Variants in LDLRAD2 observed in about 807,000 individuals in gnomAD.
The protein encoded by LDLRAD2 is low density lipoprotein receptor class A domain containing 2, also known as low-density lipoprotein receptor class A domain-containing protein 2.
Under a neutral mutation model 24.9 loss-of-function variants are expected in LDLRAD2, and 25 were observed. That is an observed-to-expected ratio of 1.00 (90% CI 0.73 to 1.40). The LOEUF (loss-of-function observed/expected upper bound fraction) is 1.40. LDLRAD2 is among the 40% of genes most tolerant of loss of function. LDLRAD2 has a pLI of 0.00. For synonymous variants in LDLRAD2, 182 were observed against 166.7 expected (o/e 1.09, Z -0.71); for missense variants, 391 against 366.2 (o/e 1.07, Z -0.55).
intron 1 of LDLRAD2, 73 bp from the exon 2 acceptor site, chr1:21,814,325 C>A: frequency 7.6e-7 from 1 of 1,315,056 alleles, no homozygotes; most frequent in Non-Finnish European, 1.0e-6. Context: ...CTTGGGATCA[C>A]ACAGCGGGCA....
chr1:21,824,467 A>G lies in LDLRAD2; in HGVS notation c.*2252A>G. 3 of 1,600,626 alleles carry G rather than the reference A, an allele frequency of 1.9e-6. No homozygotes were observed. Among genetic ancestry groups the G allele is most frequent in the Non-Finnish European group, 2.6e-6 (3 of 1,171,502 alleles). On this transcript the variant is annotated 3_prime_UTR_variant, in exon 5 of 5. Transcript: ENST00000344642. The surrounding 1 kb of genome is among the most constrained non-coding windows in gnomAD (Gnocchi z 5.9). ...GGCTCTGCTTTCCCCTCCCCCCACC[A>G]CTCCGGCCACCAGGAAGCCAGCTTC...
intron 3 of LDLRAD2, among the ~76,000 whole-genome samples, chr1:21,819,622 T>G (rs905290176): frequency 2.0e-3 from 34 of 16,608 alleles, no homozygotes; most frequent in African/African-American, 8.2e-3. Flanking sequence ...CCATGGTCAC[T>G]AGGGGCTGGG....
chr1:21,813,300 A>T (rs868242283), intron 1 of LDLRAD2, among the ~76,000 whole-genome samples: 4 of 147,162 alleles, frequency 2.7e-5, no homozygotes, highest in Non-Finnish European at 1.5e-5. Context: ...TCTCAAAGAA[A>T]TAAAAAAAAA....
chr1:21,814,417 C>A lies in LDLRAD2; in HGVS notation c.105C>A (p.Cys35Ter). ...CTGCAGCCGACCTGGCGGAACTGTG[C>A]GGGCAGACGTGGCAGGGGGACGGGC... ...ALETADLAEL[C>*]GQTWQGDGLL... The change falls in exon 2 of 5, where the codon TGC becomes TGA. Residue 35 changes from cysteine (C) to a stop codon, truncating the protein, a stop_gained. Coordinates refer to ENST00000344642, the MANE Select transcript of LDLRAD2 (RefSeq NM_001013693.3). LOFTEE classifies it high-confidence loss of function. 7 of 1,604,358 alleles carry A rather than the reference C, an allele frequency of 4.4e-6. No homozygotes were observed. Among genetic ancestry groups the A allele is most frequent in the South Asian group, 1.1e-5 (1 of 90,082 alleles).
Position 21,820,379 on chromosome 1 carries a change from T to C in LDLRAD2, c.644-1071T>C, listed in dbSNP as rs186519446. ...TCTACTAAAAATACAAAAAATTAGC[T>C]GGGCGCAGTGGCGGGCACCTGTAGT... On this transcript the variant is annotated intron_variant, in intron 3 of 4. Transcript: ENST00000344642. Among the ~76,000 whole-genome samples, 1,008 of 151,746 alleles carry C rather than the reference T, an allele frequency of 6.6e-3. 7 individuals carry two copies. Among genetic ancestry groups the C allele is most frequent in the Non-Finnish European group, 0.011 (754 of 67,876 alleles).
In LDLRAD2 at chr1:21,824,768, G is replaced by A. The variant is rs750336685; in HGVS notation, c.*2553G>A. On this transcript the variant is annotated 3_prime_UTR_variant, in exon 5 of 5. Coordinates refer to ENST00000344642, the MANE Select transcript of LDLRAD2 (RefSeq NM_001013693.3). This position sits in a 1 kb window ranked among gnomAD's most constrained non-coding sequence, Gnocchi z 5.9. ...TCATCGTGGAAATAGGCTCCGTACT[G>A]CCCAGGGGCATCTGTGGGAGAGAGG... 1 of 1,612,674 alleles carries A rather than the reference G, an allele frequency of 6.2e-7. No individual in the cohort carries two copies.
chr1:21,815,927 C>T lies in LDLRAD2; in HGVS notation c.512-16C>T. 8.1e-6 allele frequency: 13 copies of T among 1,613,534 alleles called. No individual in the cohort carries two copies. Among genetic ancestry groups the T allele is most frequent in the Non-Finnish European group, 1.1e-5 (13 of 1,179,798 alleles). ...GGACCGGAATCCTCACCTCAGGCTT[C>T]TGCTTCTGGCCTCAGGACCTTGTGG... On this transcript the variant is annotated splice_polypyrimidine_tract_variant and intron_variant, in intron 2 of 4. Transcript: ENST00000344642.
intron 1 of LDLRAD2, among the ~76,000 whole-genome samples, chr1:21,813,250 G>A (rs1407777219): frequency 1.3e-5 from 2 of 152,058 alleles, no homozygotes; most frequent in Admixed American, 6.5e-5. Flanking sequence ...AGCCGAGATT[G>A]CGCCACTGCA....
intron 1 of LDLRAD2, 116 bp downstream of exon 1, chr1:21,812,652 G>C: frequency 1.2e-6 from 1 of 811,216 alleles, no homozygotes; most frequent in African/African-American, 1.7e-5. Flanking sequence ...TTTGAGCTGG[G>C]GGAGGCTGGG....
intron 3 of LDLRAD2, among the ~76,000 whole-genome samples, chr1:21,817,951 A>G (rs973211375): frequency 6.6e-6 from 1 of 151,982 alleles, no homozygotes. Flanking sequence ...ATCTCGGCTC[A>G]CTGCAACCTC....
At chr1:21,817,058 C>T (rs1194511155) in intron 3 of LDLRAD2, among the ~76,000 whole-genome samples, 4 of 152,204 alleles carry the variant, frequency 2.6e-5, no homozygotes, top group African/African-American at 9.6e-5. Flanking sequence ...AGCGACTTCA[C>T]ATTCCAGCTG....
Position 21,823,138 on chromosome 1 carries a change from T to C in LDLRAD2, c.*923T>C. ...TGCCTTGCTGGCCAGCCTTGTGGCT[T>C]TGCCCAGCTGTGTGTGTGAGGGTGG... On this transcript the variant is annotated 3_prime_UTR_variant, in exon 5 of 5. Transcript: ENST00000344642. 1 of 581,926 alleles carries C rather than the reference T, an allele frequency of 1.7e-6. No homozygotes were observed. The highest frequency in any genetic ancestry group is 3.4e-5 in the South Asian group (1 of 28,994). 36.0% of individuals were successfully genotyped at this position (581,926 alleles called of 1,614,324 possible).
At chr1:21,814,923 A>T in intron 2 of LDLRAD2, 100 bp downstream of exon 2, 1 of 1,155,474 alleles carries the variant, frequency 8.7e-7, no homozygotes, top group Non-Finnish European at 1.1e-6. Context: ...CGACAGGGGA[A>T]TGGCAGGGGT....
rs373658922 is a variant in LDLRAD2, at chr1:21,821,588, C to T, written c.782C>T (p.Thr261Met). The T allele has an allele frequency of 3.9e-5, 63 of 1,613,906 alleles. No homozygotes were observed. The highest frequency in any genetic ancestry group is 1.6e-4 in the Middle Eastern group (1 of 6,080). The change falls in exon 4 of 5, where the codon ACG (threonine) becomes ATG (methionine). Residue 261 changes from threonine to methionine, a missense_variant. Coordinates refer to ENST00000344642, the MANE Select transcript of LDLRAD2 (RefSeq NM_001013693.3). Reference protein sequence around the residue: ...ERSSPAGRDPTRQDAALEGST... With the variant: ...ERSSPAGRDPMRQDAALEGST... ...AGTTCCCCAGCAGGCAGGGACCCCA[C>T]GAGACAAGACGCAGCTTTGGAAGGT...
chr1:21,814,673 G>T lies in LDLRAD2; in HGVS notation c.361G>T (p.Gly121Trp), dbSNP rs979757284. The change falls in exon 2 of 5, where the codon GGG becomes TGG. Residue 121 changes from glycine (G) to tryptophan (W), a missense_variant. Physicochemically the swap from Gly to Trp is radical, Grantham distance 184. Transcript: ENST00000344642. ...SYLQFYEGPP[G>W]APRPLGSPLC... is the part of the protein sequence containing the mutation. ...CCTGCAGTTCTACGAGGGCCCGCCGGGGGCGCCCCGGCCCCTGGGGTCCCC... is the reference window on the plus strand; with the variant it reads ...CCTGCAGTTCTACGAGGGCCCGCCGTGGGCGCCCCGGCCCCTGGGGTCCCC... 1 of 1,576,854 alleles carries T rather than the reference G, an allele frequency of 6.3e-7. No homozygotes were observed. Among genetic ancestry groups the T allele is most frequent in the East Asian group, 2.4e-5 (1 of 42,332 alleles).
chr1:21,814,904 G>T, intron 2 of LDLRAD2, 81 bp downstream of exon 2: 1 of 1,281,878 alleles, frequency 7.8e-7, no homozygotes, highest in Non-Finnish European at 1.0e-6. Context: ...CCCCGGTGAG[G>T]GCCGCTGCCG....
rs909981779 is a variant in LDLRAD2 at position 21,823,297 on chromosome 1, G to A, written c.*1082G>A. On this transcript the variant is annotated 3_prime_UTR_variant, in exon 5 of 5. Coordinates refer to ENST00000344642, the MANE Select transcript of LDLRAD2 (RefSeq NM_001013693.3). Reference sequence around the variant, plus strand: ...GGGCTGGGGCGTGGCCCGGGAGTCCGTGTGGGGCAGGCAGGTGCCTACGAG... The same window carrying A: ...GGGCTGGGGCGTGGCCCGGGAGTCCATGTGGGGCAGGCAGGTGCCTACGAG... 1.1e-5 allele frequency: 16 copies of A among 1,508,694 alleles called. No homozygotes were observed. The highest frequency in any genetic ancestry group is 2.8e-5 in the African/African-American group (2 of 72,212). 93.5% of individuals were successfully genotyped at this position (1,508,694 alleles called of 1,614,324 possible). A position where few individuals can be genotyped will look rare whatever the true frequency, so the allele number is the denominator to read the frequency against.
chr1:21,814,695 C>T lies in LDLRAD2; in HGVS notation c.383C>T (p.Ser128Phe), dbSNP rs1307126206. The change falls in exon 2 of 5, where the codon TCC becomes TTC. Residue 128 changes from serine to phenylalanine, a missense_variant. Coordinates refer to ENST00000344642, the MANE Select transcript of LDLRAD2 (RefSeq NM_001013693.3). ...CCGGGGGCGCCCCGGCCCCTGGGGT[C>T]CCCACTGTGCGGCCTGAACATCCCG... ...GPPGAPRPLG[S>F]PLCGLNIPVP... 4 of 1,570,294 alleles carry T rather than the reference C, an allele frequency of 2.5e-6. No homozygotes were observed. In the Admixed American group the frequency reaches 5.7e-5, roughly 22 times the overall value.
At chr1:21,814,136 C>G (rs988845378) in intron 1 of LDLRAD2, among the ~76,000 whole-genome samples, 2 of 152,182 alleles carry the variant, frequency 1.3e-5, no homozygotes, top group Non-Finnish European at 2.9e-5. Context: ...CTCCAAAGTG[C>G]TGGGATTACA....
Sources: gnomAD v4.1 joint callset for allele counts (sites outside exome capture counted in the v4.1 genomes callset) on GRCh38, gnomAD v4.1.1 for gene constraint, Gnocchi (gnomAD v3.1) non-coding constraint, MANE v1.5 for transcripts, NCBI Gene and HGNC (gene_info 2026-07-23, HGNC 2026-07-21) for gene names.